Variants in GOLGA5 observed in about 807,000 individuals in gnomAD.
GOLGA5 encodes the protein golgin subfamily A member 5.
A neutral mutation model predicts 93.5 loss-of-function variants in GOLGA5; 50 were observed. The observed-to-expected ratio is 0.53, with a 90% CI of 0.43 to 0.68. The LOEUF (loss-of-function observed/expected upper bound fraction) is 0.68, where lower values mean the gene tolerates loss of function less well. Ranked by LOEUF, GOLGA5 falls within the 30% of genes least tolerant of loss-of-function variation. The pLI is 0.00. For missense variants in GOLGA5, 760 were observed against 856.4 expected (o/e 0.89, Z 1.40); for synonymous variants, 312 against 304.5 (o/e 1.02, Z -0.26).
In GOLGA5 at chr14:92,815,984, C is replaced by T. The variant is rs185397887; in HGVS notation, c.1321-267C>T. Among the ~76,000 whole-genome samples, 233 of 152,038 alleles carry T rather than the reference C, an allele frequency of 1.5e-3. 5 individuals carry two copies. The East Asian group carries it at 0.039, about 26-fold the overall frequency. On this transcript the variant is annotated intron_variant, in intron 6 of 12. Transcript: ENST00000163416. ...CCTCCCAAAGTGCTGGGATTACAGG[C>T]GTGAGCCACCGCACCCAGCTGGAAA... is the stretch of plus-strand genomic sequence containing the variant.
intron 2 of GOLGA5, among the ~76,000 whole-genome samples, chr14:92,802,219 A>G (rs114788793): frequency 0.016 from 2,469 of 152,272 alleles, 56 homozygotes; most frequent in African/African-American, 0.055. Context: ...TGTTTTCTCC[A>G]TAAAGATCTT....
At chr14:92,796,215 T>G (rs980186393) in intron 1 of GOLGA5, among the ~76,000 whole-genome samples, 2 of 152,262 alleles carry the variant, frequency 1.3e-5, no homozygotes, top group Non-Finnish European at 2.9e-5. Context: ...TTTAGCACTT[T>G]AAAACAAACT....
intron 12 of GOLGA5, among the ~76,000 whole-genome samples, chr14:92,838,456 C>T (rs1458377345): frequency 6.6e-6 from 1 of 152,094 alleles, no homozygotes; most frequent in Non-Finnish European, 1.5e-5. Context: ...CATTCTCCAC[C>T]TCCCAGGTTC....
intron 6 of GOLGA5, among the ~76,000 whole-genome samples, chr14:92,814,361 A>G (rs1469939298): frequency 6.6e-6 from 1 of 152,112 alleles, no homozygotes; most frequent in African/African-American, 2.4e-5. Flanking sequence ...CAAGTGGTGC[A>G]TGATCACCAA....
intron 9 of GOLGA5, among the ~76,000 whole-genome samples, chr14:92,827,659 G>C (rs1885450024): frequency 6.6e-6 from 1 of 152,218 alleles, no homozygotes; most frequent in Non-Finnish European, 1.5e-5. Context: ...ATTAAGCTTA[G>C]TGAAGAAGGC....
In GOLGA5 at chr14:92,809,520, G is replaced by C; in HGVS notation, c.992+1G>C. ...AAGCCTTACAGAGTGAAAAATCACG[G>C]TAGGTGATTCTATGAATAATGAAAA... is the stretch of plus-strand genomic sequence containing the variant. On this transcript the variant is annotated splice_donor_variant, in intron 4 of 12. Coordinates refer to ENST00000163416, the MANE Select transcript of GOLGA5 (RefSeq NM_005113.4). LOFTEE classifies it high-confidence loss of function. 6.4e-7 allele frequency: 1 copy of C among 1,566,278 alleles called. No homozygotes were observed. Among genetic ancestry groups the C allele is most frequent in the Non-Finnish European group, 8.8e-7 (1 of 1,137,048 alleles).
At chr14:92,836,669 C>A (rs1379142733) in intron 11 of GOLGA5, among the ~76,000 whole-genome samples, 1 of 152,106 alleles carries the variant, frequency 6.6e-6, no homozygotes, top group Non-Finnish European at 1.5e-5. Flanking sequence ...ACAAAAGCTT[C>A]TAGATTAGCT....
intron 9 of GOLGA5, among the ~76,000 whole-genome samples, chr14:92,826,941 A>G (rs543114246): frequency 2.0e-5 from 3 of 152,170 alleles, no homozygotes; most frequent in African/African-American, 7.2e-5. Flanking sequence ...TGTAGAAGAA[A>G]ATGATACATT....
At chr14:92,801,513 CTTTA>C (rs1595589931) in intron 2 of GOLGA5, among the ~76,000 whole-genome samples, 2 of 152,050 alleles carry the variant, frequency 1.3e-5, no homozygotes, top group East Asian at 3.9e-4. Context: ...CATAGACATT[CTTTA>C]TATATTCTAA....
At chr14:92,795,837 A>G (rs900715474) in intron 1 of GOLGA5, among the ~76,000 whole-genome samples, 5 of 152,266 alleles carry the variant, frequency 3.3e-5, no homozygotes, top group African/African-American at 1.2e-4. Flanking sequence ...TCTGAAGCAA[A>G]TGACATTTGA....
intron 6 of GOLGA5, among the ~76,000 whole-genome samples, chr14:92,815,932 C>T (rs181363270): frequency 3.2e-3 from 484 of 152,042 alleles, no homozygotes; most frequent in Middle Eastern, 0.014. Context: ...GTCTCGACCT[C>T]CTGACCTCGT....
intron 2 of GOLGA5, among the ~76,000 whole-genome samples, chr14:92,802,571 T>C (rs925069609): frequency 1.3e-5 from 2 of 152,090 alleles, no homozygotes; most frequent in African/African-American, 4.8e-5. Context: ...AGTATGATTT[T>C]ACATTAGGTT....
At chr14:92,830,942 G>C (rs192595675) in intron 9 of GOLGA5, among the ~76,000 whole-genome samples, 1 of 152,214 alleles carries the variant, frequency 6.6e-6, no homozygotes, top group Admixed American at 6.5e-5. Context: ...AAAAATTCGT[G>C]TGACTGACTT....
In GOLGA5 at chr14:92,814,812, T is replaced by A. The variant is rs1885170242; in HGVS notation, c.1321-1439T>A. 2.0e-5 allele frequency among the ~76,000 whole-genome samples: 3 copies of A among 152,168 alleles called. 1 individual carries two copies. The highest frequency in any genetic ancestry group is 3.8e-4 in the East Asian group (2 of 5,202). ...ACTGGTCTTTGCATGTCAAATCTCTTCTTCAAACTCATCTTTTATCTCAGG... is the reference window on the plus strand; with the variant it reads ...ACTGGTCTTTGCATGTCAAATCTCTACTTCAAACTCATCTTTTATCTCAGG... On this transcript the variant is annotated intron_variant, in intron 6 of 12. Transcript: ENST00000163416.
At chr14:92,804,826 T>TTTG (rs1233261971) in intron 2 of GOLGA5, among the ~76,000 whole-genome samples, 8 of 151,402 alleles carry the variant, frequency 5.3e-5, no homozygotes, top group Non-Finnish European at 8.8e-5. Context: ...CAGCTAATTT[T>TTTG]TAGTAGAAAC....
At chr14:92,812,272 C>A (rs1885119035) in intron 6 of GOLGA5, among the ~76,000 whole-genome samples, 1 of 152,170 alleles carries the variant, frequency 6.6e-6, no homozygotes, top group African/African-American at 2.4e-5. Flanking sequence ...ATTTTCCTGC[C>A]TGTGCATTGA....
chr14:92,804,655 CTTTTTTTTTTTT>C (rs765326844), intron 2 of GOLGA5, among the ~76,000 whole-genome samples: 3 of 114,320 alleles, frequency 2.6e-5, no homozygotes, highest in African/African-American at 1.0e-4. Flanking sequence ...TAATTTCTTT[CTTTTTTTTTTTT>C]TTTTTTTGAG....
chr14:92,836,891 C>G (rs1168018345), intron 11 of GOLGA5, among the ~76,000 whole-genome samples: 1 of 152,048 alleles, frequency 6.6e-6, no homozygotes, highest in African/African-American at 2.4e-5. Context: ...ATGGCGAAAC[C>G]CCGTCTCTAC....
At chr14:92,802,887 C>T (rs759053270) in intron 2 of GOLGA5, among the ~76,000 whole-genome samples, 3 of 152,060 alleles carry the variant, frequency 2.0e-5, no homozygotes, top group Non-Finnish European at 4.4e-5. Context: ...ACTTCCTCCT[C>T]CCAACTCACT....
Sources: allele counts gnomAD v4.1 joint callset (sites outside exome capture counted in the v4.1 genomes callset), GRCh38; gene constraint gnomAD v4.1.1; transcripts MANE v1.5; gene names NCBI Gene and HGNC (gene_info 2026-07-23, HGNC 2026-07-21).